Variants in STS observed in about 807,000 individuals in gnomAD.
STS encodes the protein steroid sulfatase.
In STS, 7 loss-of-function variants were observed where a neutral mutation model predicts 26.8. The observed-to-expected ratio is 0.26, with a 90% CI of 0.15 to 0.49. STS has a LOEUF of 0.49. Ranked by LOEUF, STS falls within the 20% of genes least tolerant of loss-of-function variation. STS has a pLI of 0.98. For missense variants in STS, 434 were observed against 465.6 expected (o/e 0.93, Z 0.63); for synonymous variants, 199 against 189.4 (o/e 1.05, Z -0.42).
chrX:7,148,475 T>A (rs1439160048), intron 1 of STS, among the ~76,000 whole-genome samples: 1 of 112,788 alleles, frequency 8.9e-6, no homozygotes, highest in Non-Finnish European at 1.9e-5. Context: ...TGCTTGAGTT[T>A]GGATCAGGGG....
Position 7,325,286 on chromosome X carries a change from T to A in STS, c.1082-53T>A, listed in dbSNP as rs183488866. 2.8e-5 allele frequency: 33 copies of A among 1,167,932 alleles called. No homozygotes were observed. The African/African-American group carries it at 3.9e-4, about 14-fold the overall frequency. On this transcript the variant is annotated intron_variant, in intron 8 of 10. Transcript: ENST00000674429. ...ACGAAAGAGTCCATTGAAGTGAGCA[T>A]TGAAAGGATTGAAATCTCCCTGTTG...
chrX:7,179,717 A>G (rs1176592718), intron 1 of STS, among the ~76,000 whole-genome samples: 1 of 112,164 alleles, frequency 8.9e-6, no homozygotes, highest in Non-Finnish European at 1.9e-5. Context: ...TACTGACTCT[A>G]AGAACTCATA....
chrX:7,251,550 CA>C (rs1923141994), intron 2 of STS, among the ~76,000 whole-genome samples: 1 of 111,535 alleles, frequency 9.0e-6, no homozygotes, highest in African/African-American at 3.3e-5. Context: ...AGATACACGG[CA>C]ATGAGGGTCC....
intron 1 of STS, among the ~76,000 whole-genome samples, chrX:7,186,579 A>G (rs1933776414): frequency 9.0e-6 from 1 of 111,505 alleles, no homozygotes; most frequent in Non-Finnish European, 1.9e-5. Context: ...GTCTGTATTG[A>G]TTGGGCGAAC....
intron 1 of STS, among the ~76,000 whole-genome samples, chrX:7,152,421 G>A (rs561888979): frequency 7.7e-4 from 85 of 110,797 alleles, no homozygotes; most frequent in Non-Finnish European, 1.3e-3. Flanking sequence ...GGGTTCAAGC[G>A]ATCCTGTCAC....
At chrX:7,285,883 T>A (rs981882724) in intron 7 of STS, among the ~76,000 whole-genome samples, 2 of 112,025 alleles carry the variant, frequency 1.8e-5, no homozygotes, top group Non-Finnish European at 3.8e-5. Context: ...TAGGAGGACC[T>A]GATGAAATCT....
At chrX:7,324,531 T>A (rs1392874769) in intron 8 of STS, among the ~76,000 whole-genome samples, 1 of 111,784 alleles carries the variant, frequency 8.9e-6, no homozygotes, top group Non-Finnish European at 1.9e-5. Context: ...AAATATATTT[T>A]GGGGTAAACT....
chrX:7,197,608 T>C (rs1404939416), intron 2 of STS, among the ~76,000 whole-genome samples: 2 of 112,396 alleles, frequency 1.8e-5, no homozygotes, highest in Non-Finnish European at 3.8e-5. Context: ...AATTGCTATA[T>C]TTTACAAGAA....
chrX:7,227,781 C>T lies in STS; in HGVS notation c.-4-25415C>T, dbSNP rs1921881965. Among the ~76,000 whole-genome samples the T allele has an allele frequency of 3.6e-5, 4 of 111,646 alleles. No homozygotes were observed. The South Asian group carries it at 1.5e-3, about 41-fold the overall frequency. ...TTTTAAGTGTGCAATACAGTATTGTCGACTGCTGATACAATGTTTGACTGC... is the reference window on the plus strand; with the variant it reads ...TTTTAAGTGTGCAATACAGTATTGTTGACTGCTGATACAATGTTTGACTGC... On this transcript the variant is annotated intron_variant, in intron 2 of 10. Transcript: ENST00000674429.
chrX:7,331,231 A>G (rs1927729560), intron 9 of STS, among the ~76,000 whole-genome samples: 2 of 111,395 alleles, frequency 1.8e-5, no homozygotes, highest in South Asian at 7.7e-4. Flanking sequence ...GGTTTCCAGA[A>G]CATGCCCTTT....
chrX:7,166,078 G>C (rs1410027676), intron 1 of STS, among the ~76,000 whole-genome samples: 1 of 106,680 alleles, frequency 9.4e-6, no homozygotes, highest in Non-Finnish European at 1.9e-5. Context: ...CGTGATTACG[G>C]CTCGCTGCAC....
At chrX:7,222,025 A>G (rs1921590584) in intron 2 of STS, among the ~76,000 whole-genome samples, 2 of 111,388 alleles carry the variant, frequency 1.8e-5, no homozygotes, top group African/African-American at 6.5e-5. Flanking sequence ...CATAGTGATT[A>G]TAAAAGAGGC....
At chrX:7,251,856 G>A (rs1029276441) in intron 2 of STS, among the ~76,000 whole-genome samples, 5 of 110,705 alleles carry the variant, frequency 4.5e-5, no homozygotes, top group Non-Finnish European at 7.6e-5. Flanking sequence ...AGCTGCTCAG[G>A]AGGCTGAGAT....
rs190689049 is a variant in STS at position 7,311,353 on chromosome X, A to G, written c.1081+6170A>G. On this transcript the variant is annotated intron_variant, in intron 8 of 10. Transcript: ENST00000674429. ...TTAGCACCACAAACTGGGTGACTTA[A>G]AAACAGCAGAAAGTTGTTTTCTCTC... 8.2e-3 allele frequency among the ~76,000 whole-genome samples: 921 copies of G among 111,663 alleles called. 5 individuals are homozygous for G. Among genetic ancestry groups the G allele is most frequent in the Non-Finnish European group, 0.014 (749 of 53,015 alleles).
intron 7 of STS, among the ~76,000 whole-genome samples, chrX:7,283,364 C>T (rs1371507918): frequency 2.7e-5 from 3 of 111,734 alleles, no homozygotes; most frequent in African/African-American, 6.5e-5. Context: ...AGCATTTCAA[C>T]GGATAATGAT....
chrX:7,248,730 A>C (rs1923004380), intron 2 of STS, among the ~76,000 whole-genome samples: 1 of 111,548 alleles, frequency 9.0e-6, no homozygotes, highest in South Asian at 3.8e-4. Context: ...CATAACATAA[A>C]ATTTTCCATC....
At chrX:7,186,345 A>G (rs1933771835) in intron 1 of STS, among the ~76,000 whole-genome samples, 1 of 112,325 alleles carries the variant, frequency 8.9e-6, no homozygotes, top group African/African-American at 3.2e-5. Context: ...ATGGACAAGG[A>G]GAGTGTTCTG....
At chrX:7,296,653 T>C (rs1217531026) in intron 7 of STS, among the ~76,000 whole-genome samples, 1 of 112,220 alleles carries the variant, frequency 8.9e-6, no homozygotes. Flanking sequence ...AAAACACTGG[T>C]GTGCCCCATG....
chrX:7,247,031 G>A (rs1178691534), intron 2 of STS, among the ~76,000 whole-genome samples: 1 of 111,991 alleles, frequency 8.9e-6, no homozygotes, highest in Admixed American at 9.4e-5. Context: ...AATAAATATA[G>A]CAAATATGTG....
Sources: allele counts gnomAD v4.1 joint callset (sites outside exome capture counted in the v4.1 genomes callset), GRCh38; gene constraint gnomAD v4.1.1; transcripts MANE v1.5; gene names NCBI Gene and HGNC (gene_info 2026-07-23, HGNC 2026-07-21).